The following TICRR variants were observed in gnomAD, a reference collection of about 807,000 sequenced individuals.
TICRR encodes the protein treslin.
In TICRR, 132 loss-of-function variants were observed where a neutral mutation model predicts 178.1. The ratio of observed to expected loss-of-function variants is 0.74; its 90% confidence interval spans 0.64 to 0.86. The LOEUF (loss-of-function observed/expected upper bound fraction) is 0.86. Among genes scored for constraint, TICRR ranks in the 40% least tolerant of loss-of-function variants. The probability of loss-of-function intolerance (pLI) is 0.00; values close to 1 mark genes in which losing one functional copy is unlikely to be tolerated. For synonymous variants in TICRR, 991 were observed against 900.7 expected, an observed-to-expected ratio of 1.10 and a Z score of -1.79; for missense variants, 2,587 against 2,334.3, an observed-to-expected ratio of 1.11 and a Z score of -2.23.
At position 89,602,872 on chromosome 15, in the gene TICRR, T is replaced by C; in HGVS notation, c.2644T>C (p.Ser882Pro). Residue 882 changes from serine to proline, a missense_variant, in exon 13 of 22, where the codon TCA becomes CCA. Ser to Pro is a moderately conservative substitution (Grantham distance 74, BLOSUM62 -1). Transcript: ENST00000268138. Reference sequence around the variant, plus strand: ...TCGACAAATTGAAATTCCTAAAGTGTCAAAGAGAGCTACGAAAAAAGTAAG... The same window carrying C: ...TCGACAAATTGAAATTCCTAAAGTGCCAAAGAGAGCTACGAAAAAAGTAAG... ...NLRQIEIPKV[S>P]KRATKKENSH... The C allele has an allele frequency of 6.6e-7, 1 of 1,526,064 alleles. No individual in the cohort carries two copies. Among genetic ancestry groups the C allele is most frequent in the Non-Finnish European group, 8.8e-7 (1 of 1,136,998 alleles). 94.5% of individuals were successfully genotyped at this position (1,526,064 alleles called of 1,614,324 possible).
intron 9 of TICRR, among the ~76,000 whole-genome samples, chr15:89,601,038 C>T (rs1433751076): frequency 2.8e-5 from 3 of 107,590 alleles, no homozygotes; most frequent in African/African-American, 3.7e-5. Context: ...AGAGCAAGAC[C>T]CTGTCTCAGG....
At chr15:89,612,480 A>C (rs1963270128) in intron 15 of TICRR, among the ~76,000 whole-genome samples, 1 of 152,198 alleles carries the variant, frequency 6.6e-6, no homozygotes, top group South Asian at 2.1e-4. Context: ...CCCTAGCACC[A>C]GCCAGCTGCT....
rs371934413 is a variant in TICRR at position 89,601,264 on chromosome 15, A to C, written c.2154-34A>C. On this transcript the variant is annotated intron_variant, in intron 9 of 21. Coordinates refer to ENST00000268138, the MANE Select transcript of TICRR (RefSeq NM_152259.4). ...GGAGCTTTTTGTTTAGTGACATCCA[A>C]AGTAGATATGACCAAGTATTTTTTT... 10 of 1,595,802 alleles carry C rather than the reference A, an allele frequency of 6.3e-6. No homozygotes were observed. The African/African-American group carries it at 6.7e-5, about 11-fold the overall frequency.
chr15:89,621,338 T>TG lies in TICRR; in HGVS notation c.3155-53dup, dbSNP rs1222548492. Reference sequence around the variant, plus strand: ...GCGTGGCTGGCTGTTTTAATAGTATTGGAAGAACAGGAATTGAGAAAGAAT... The same window carrying TG: ...GCGTGGCTGGCTGTTTTAATAGTATTGGGAAGAACAGGAATTGAGAAAGAAT... On this transcript the variant is annotated intron_variant, in intron 18 of 21. Transcript: ENST00000268138. 1.9e-5 allele frequency: 30 copies of TG among 1,555,798 alleles called. No individual in the cohort carries two copies. In the African/African-American group the frequency reaches 2.7e-4, roughly 14 times the overall value.
intron 5 of TICRR, among the ~76,000 whole-genome samples, chr15:89,593,080 A>G (rs571475900): frequency 2.0e-5 from 3 of 152,268 alleles, no homozygotes; most frequent in East Asian, 3.9e-4. Context: ...TCGTTTTTTT[A>G]AAATTTTTTT....
At chr15:89,595,636 C>T (rs375626232) in intron 7 of TICRR, 25 bp downstream of exon 7, 92 of 1,555,314 alleles carry the variant, frequency 5.9e-5, no homozygotes, top group Non-Finnish European at 7.8e-5. Context: ...CTATAATTTA[C>T]TCTTTTATAC....
intron 19 of TICRR, among the ~76,000 whole-genome samples, chr15:89,622,991 G>C (rs1325360164): frequency 1.3e-5 from 2 of 152,226 alleles, no homozygotes; most frequent in East Asian, 1.9e-4. Context: ...ATGCCAGCTA[G>C]ACTGAGAGTC....
chr15:89,590,951 G>A (rs906246526), intron 4 of TICRR, among the ~76,000 whole-genome samples: 1 of 152,142 alleles, frequency 6.6e-6, no homozygotes, highest in East Asian at 1.9e-4. Flanking sequence ...TGAAATTTCT[G>A]TTACTGTTCC....
chr15:89,619,777 A>T lies in TICRR; in HGVS notation c.3089A>T (p.Tyr1030Phe). 7 of 1,614,006 alleles carry T rather than the reference A, an allele frequency of 4.3e-6. No individual in the cohort carries two copies. The highest frequency in any genetic ancestry group is 5.9e-6 in the Non-Finnish European group (7 of 1,179,984). The change falls in exon 18 of 22, where the codon TAT becomes TTT. Residue 1030 changes from tyrosine (Y) to phenylalanine (F), a missense_variant. By Grantham distance (22) the Tyr-to-Phe change is conservative. Coordinates refer to ENST00000268138, the MANE Select transcript of TICRR (RefSeq NM_152259.4). ...SFSRTHSASF[Y>F]SVSQPKSRSV... ...AGCAGGACACATTCTGCCTCCTTCTATTCTGTGTCTCAGCCGAAGTCTCGA... is the reference window on the plus strand; with the variant it reads ...AGCAGGACACATTCTGCCTCCTTCTTTTCTGTGTCTCAGCCGAAGTCTCGA...
Position 89,599,388 on chromosome 15 carries a change from A to C in TICRR, c.1965A>C (p.Thr655=). The C allele has an allele frequency of 1.2e-6, 2 of 1,613,928 alleles. No homozygotes were observed. Among genetic ancestry groups the C allele is most frequent in the East Asian group, 4.5e-5 (2 of 44,870 alleles). ...IRENYQKTVA[T]GEIMLYACAR... is the part of the protein sequence containing the mutation. ...AAAATTACCAAAAGACTGTGGCCACAGGAGAAATCATGTTGTATGCATGTG... is the reference window on the plus strand; with the variant it reads ...AAAATTACCAAAAGACTGTGGCCACCGGAGAAATCATGTTGTATGCATGTG... The change falls in exon 8 of 22, where the codon ACA becomes ACC. Residue 655 remains threonine (T), a synonymous_variant. Transcript: ENST00000268138.
At chr15:89,613,798 T>C (rs560426681) in intron 15 of TICRR, among the ~76,000 whole-genome samples, 1 of 150,450 alleles carries the variant, frequency 6.6e-6, no homozygotes, top group South Asian at 2.1e-4. Flanking sequence ...ATTGGACTCA[T>C]ATTTTAGATC....
intron 15 of TICRR, among the ~76,000 whole-genome samples, chr15:89,610,632 G>GT (rs1963242504): frequency 1.3e-5 from 2 of 152,168 alleles, no homozygotes; most frequent in South Asian, 4.2e-4. Flanking sequence ...GTTGGATCAT[G>GT]TTTTTTTAAT....
Position 89,623,624 on chromosome 15 carries a change from C to T in TICRR, c.3314C>T (p.Thr1105Ile). Reference protein sequence around the residue: ...LDSEVPAAYQTPKKSHQKSLS... With the variant: ...LDSEVPAAYQIPKKSHQKSLS... ...TGAAATAAGCATTTCTCTTTTCAGA[C>T]TCCCAAGAAGAGTCACCAGAAATCT... The change falls in exon 20 of 22, where the codon ACT (threonine) becomes ATT (isoleucine). Residue 1105 changes from threonine (T) to isoleucine (I), a missense_variant and splice_region_variant. Transcript: ENST00000268138. The T allele has an allele frequency of 2.5e-6, 4 of 1,595,408 alleles. No homozygotes were observed. Among genetic ancestry groups the T allele is most frequent in the East Asian group, 2.2e-5 (1 of 44,752 alleles).
At chr15:89,626,260 C>T (rs1023173060) in intron 21 of TICRR, among the ~76,000 whole-genome samples, 199 bp downstream of exon 21, 2 of 152,206 alleles carry the variant, frequency 1.3e-5, no homozygotes, top group Admixed American at 6.5e-5. Flanking sequence ...AGAAGCCCCT[C>T]AAAATCCTGC....
intron 1 of TICRR, among the ~76,000 whole-genome samples, chr15:89,580,990 C>T (rs766740345): frequency 1.1e-4 from 17 of 152,190 alleles, no homozygotes; most frequent in Admixed American, 1.1e-3. Flanking sequence ...GAGCCATGTT[C>T]ATACCACTGC....
chr15:89,626,954 A>G lies in TICRR; in HGVS notation c.5603-2A>G, dbSNP rs769397667. 1 of 1,613,800 alleles carries G rather than the reference A, an allele frequency of 6.2e-7. No individual in the cohort carries two copies. Among genetic ancestry groups the G allele is most frequent in the Non-Finnish European group, 8.5e-7 (1 of 1,179,834 alleles). On this transcript the variant is annotated splice_acceptor_variant, in intron 21 of 21. Transcript: ENST00000268138. LOFTEE classifies it high-confidence loss of function. ...ATGCTAAGCCTTTCTACCTTCTTCT[A>G]GATGAGGATGTGGATGTTCTTCCCT...
In TICRR at chr15:89,627,329, C is replaced by T. The variant is rs1963551036; in HGVS notation, c.*243C>T. The T allele has an allele frequency of 2.1e-6, 1 of 465,428 alleles. No homozygotes were observed. The highest frequency in any genetic ancestry group is 3.5e-5 in the East Asian group (1 of 28,774). 28.8% of individuals were successfully genotyped at this position (465,428 alleles called of 1,614,324 possible). A position where few individuals can be genotyped will look rare whatever the true frequency, so the allele number is the denominator to read the frequency against. On this transcript the variant is annotated 3_prime_UTR_variant, in exon 22 of 22. Coordinates refer to ENST00000268138, the MANE Select transcript of TICRR (RefSeq NM_152259.4). The stretch of plus-strand genomic sequence containing the variant: ...TGATTGGTGCTATAACTCAGGCAGC[C>T]TGGGAGTCAGGAACCCAGACAAGGA...
intron 2 of TICRR, among the ~76,000 whole-genome samples, chr15:89,583,587 T>C (rs759681413): frequency 1.5e-4 from 23 of 152,360 alleles, no homozygotes; most frequent in Middle Eastern, 6.8e-3. Context: ...CTTTAGAATT[T>C]AACCTCCTCA....
chr15:89,588,767 A>G (rs999249049), intron 4 of TICRR, among the ~76,000 whole-genome samples: 1 of 152,148 alleles, frequency 6.6e-6, no homozygotes, highest in Non-Finnish European at 1.5e-5. Flanking sequence ...GTTAAGACTG[A>G]GTAGTACTGG....
Sources: allele counts gnomAD v4.1 joint callset (sites outside exome capture counted in the v4.1 genomes callset), GRCh38; gene constraint gnomAD v4.1.1; transcripts MANE v1.5; gene names NCBI Gene and HGNC (gene_info 2026-07-23, HGNC 2026-07-21).